Variants in ITGBL1 observed in about 807,000 individuals in gnomAD.
ITGBL1 encodes the protein integrin beta-like protein 1.
In ITGBL1, 51 loss-of-function variants were observed where a neutral mutation model predicts 68.5. The ratio of observed to expected loss-of-function variants is 0.74; its 90% CI spans 0.59 to 0.94. The LOEUF (loss-of-function observed/expected upper bound fraction) is 0.94. Among genes scored for constraint, ITGBL1 ranks in the 40% least tolerant of loss-of-function variants. The pLI, the probability that ITGBL1 is intolerant of heterozygous loss-of-function variation, is 0.00. For synonymous variants in ITGBL1, 209 were observed against 227.3 expected (o/e 0.92, Z 0.72); for missense variants, 649 against 647.4 (o/e 1.00, Z -0.03).
chr13:101,596,128 A>G (rs1213837647), intron 6 of ITGBL1, among the ~76,000 whole-genome samples: 1 of 152,126 alleles, frequency 6.6e-6, no homozygotes, highest in Non-Finnish European at 1.5e-5. Context: ...AAATCCTTTC[A>G]TTTGCCACAA....
intron 2 of ITGBL1, among the ~76,000 whole-genome samples, chr13:101,536,135 C>A (rs895740367): frequency 6.6e-6 from 1 of 151,588 alleles, no homozygotes; most frequent in Admixed American, 6.6e-5. Flanking sequence ...CATGAGATAC[C>A]ATCTCACACC....
intron 6 of ITGBL1, among the ~76,000 whole-genome samples, chr13:101,594,681 A>G (rs184850309): frequency 1.1e-3 from 162 of 152,318 alleles, no homozygotes; most frequent in Non-Finnish European, 2.0e-3. Context: ...CAAACCATAT[A>G]TCCAATAAGG....
chr13:101,492,143 T>C (rs553618602), intron 2 of ITGBL1, among the ~76,000 whole-genome samples: 1 of 152,336 alleles, frequency 6.6e-6, no homozygotes, highest in East Asian at 1.9e-4. Flanking sequence ...TTTGGGTATA[T>C]TCCCAGTAAT....
chr13:101,603,403 A>T (rs191744529), intron 7 of ITGBL1, among the ~76,000 whole-genome samples: 53 of 152,096 alleles, frequency 3.5e-4, no homozygotes, highest in Admixed American at 2.4e-3. Flanking sequence ...AATCTTTTTA[A>T]TGTCAAAAGT....
chr13:101,453,524 C>T (rs754471762), intron 1 of ITGBL1, among the ~76,000 whole-genome samples: 6 of 152,108 alleles, frequency 3.9e-5, no homozygotes, highest in African/African-American at 1.2e-4. Flanking sequence ...AGCTGAGTGC[C>T]GTACCTTGGA....
chr13:101,584,096 G>C (rs9513922), intron 6 of ITGBL1, among the ~76,000 whole-genome samples: 31,177 of 152,124 alleles, frequency 0.2, 3,223 homozygotes, highest in Non-Finnish European at 0.22. Context: ...AATGTAGTCT[G>C]TAATTAAATA....
intron 3 of ITGBL1, among the ~76,000 whole-genome samples, chr13:101,568,771 A>G: frequency 6.6e-6 from 1 of 152,074 alleles, no homozygotes; most frequent in Non-Finnish European, 1.5e-5. Flanking sequence ...ACCAGAGCTG[A>G]GAATTCCCCA....
chr13:101,679,450 G>A (rs976160024), intron 7 of ITGBL1, among the ~76,000 whole-genome samples: 12 of 152,162 alleles, frequency 7.9e-5, no homozygotes, highest in Non-Finnish European at 5.9e-5. Flanking sequence ...TGTTTCGAAA[G>A]CAGGGCACTG....
intron 3 of ITGBL1, among the ~76,000 whole-genome samples, chr13:101,569,025 A>AACACACACACACACACACACAC (rs112814235): frequency 9.6e-6 from 1 of 103,656 alleles, no homozygotes; most frequent in Non-Finnish European, 1.9e-5. Context: ...CACCCCTCCA[A>AACACACACACACACACACACAC]ACACACACAC....
Position 101,598,181 on chromosome 13 carries a change from T to G in ITGBL1, c.897T>G (p.Cys299Trp). 1 of 1,613,518 alleles carries G rather than the reference T, an allele frequency of 6.2e-7. No homozygotes were observed. Among genetic ancestry groups the G allele is most frequent in the Non-Finnish European group, 8.5e-7 (1 of 1,179,704 alleles). The change falls in exon 7 of 11, where the codon TGT (cysteine) becomes TGG (tryptophan). Residue 299 changes from cysteine to tryptophan, a missense_variant. By Grantham distance (215) the Cys-to-Trp change is radical. Transcript: ENST00000376180. ...SGHGQCNCGRCDCKAGWYGKK... is the reference protein window; with the variant it reads ...SGHGQCNCGRWDCKAGWYGKK... ...ATGGACAGTGTAATTGCGGAAGATG[T>G]GACTGCAAAGCAGGCTGGTATGGGA... is the stretch of plus-strand genomic sequence containing the variant.
At chr13:101,684,583 C>G (rs748929602) in intron 7 of ITGBL1, among the ~76,000 whole-genome samples, 77 of 151,920 alleles carry the variant, frequency 5.1e-4, no homozygotes, top group Admixed American at 1.1e-3. Flanking sequence ...CTAATATACT[C>G]TCTTAATAAT....
At chr13:101,677,881 G>A (rs971781301) in intron 7 of ITGBL1, among the ~76,000 whole-genome samples, 1 of 151,998 alleles carries the variant, frequency 6.6e-6, no homozygotes, top group Non-Finnish European at 1.5e-5. Context: ...TGTTTGACAC[G>A]GCTTCATAGA....
chr13:101,705,423 C>T (rs763982898), intron 8 of ITGBL1, among the ~76,000 whole-genome samples: 18 of 151,972 alleles, frequency 1.2e-4, no homozygotes, highest in Admixed American at 6.6e-4. Flanking sequence ...CCTACCGATC[C>T]GCATTCTCGC....
chr13:101,461,556 C>T (rs1193567460), intron 2 of ITGBL1, among the ~76,000 whole-genome samples: 1 of 152,040 alleles, frequency 6.6e-6, no homozygotes. Flanking sequence ...AATTGCCAGA[C>T]CCAGTGGTGG....
chr13:101,493,636 A>G (rs556101059), intron 2 of ITGBL1, among the ~76,000 whole-genome samples: 2 of 152,256 alleles, frequency 1.3e-5, no homozygotes, highest in East Asian at 3.9e-4. Context: ...TATTTTCCAC[A>G]TCTGTCCTCC....
chr13:101,581,734 T>G (rs1277861990), intron 5 of ITGBL1, among the ~76,000 whole-genome samples: 1 of 152,224 alleles, frequency 6.6e-6, no homozygotes, highest in Non-Finnish European at 1.5e-5. Flanking sequence ...ACAACTATAT[T>G]TTATATTTCT....
chr13:101,571,972 GC>G (rs2139262423), intron 3 of ITGBL1, among the ~76,000 whole-genome samples: 2 of 152,198 alleles, frequency 1.3e-5, no homozygotes, highest in African/African-American at 4.8e-5. Flanking sequence ...ATGATCTAGT[GC>G]ACATATATTT....
intron 7 of ITGBL1, among the ~76,000 whole-genome samples, chr13:101,671,438 T>G (rs867495185): frequency 1.6e-4 from 7 of 42,696 alleles, no homozygotes; most frequent in African/African-American, 4.5e-4. Context: ...TTTTTTTTTG[T>G]TTTTTTTTGT....
intron 2 of ITGBL1, among the ~76,000 whole-genome samples, chr13:101,545,822 C>T (rs2049811978): frequency 6.6e-6 from 1 of 152,180 alleles, no homozygotes. Context: ...AGCAGCAAGC[C>T]TCTGACTGTT....
Sources: gnomAD v4.1 joint callset for allele counts (sites outside exome capture counted in the v4.1 genomes callset) on GRCh38, gnomAD v4.1.1 for gene constraint, MANE v1.5 for transcripts, NCBI Gene and HGNC (gene_info 2026-07-23, HGNC 2026-07-21) for gene names.